Variants in ARHGAP42 observed in about 807,000 individuals in gnomAD.
The protein encoded by ARHGAP42 is Rho GTPase activating protein 42.
ARHGAP42 carries 63 observed loss-of-function variants against 125.0 expected under a neutral mutation model. That is an observed-to-expected ratio of 0.50 (90% CI 0.41 to 0.62). The LOEUF (loss-of-function observed/expected upper bound fraction) is 0.62, where lower values mean the gene tolerates loss of function less well. ARHGAP42 is among the 20% of genes least tolerant of loss of function. The pLI is 0.00. For missense variants in ARHGAP42, 766 were observed against 1,024.2 expected, an observed-to-expected ratio of 0.75 and a Z score of 3.44; for synonymous variants, 339 against 351.0, an observed-to-expected ratio of 0.97 and a Z score of 0.38.
intron 1 of ARHGAP42, among the ~76,000 whole-genome samples, chr11:100,744,561 TGTGC>T (rs893779734): frequency 1.4e-5 from 2 of 139,144 alleles, no homozygotes; most frequent in Non-Finnish European, 3.2e-5. Context: ...TGTGTGTGTG[TGTGC>T]GTGCTTGTGT....
chr11:100,917,015 T>TTGTGTGTGTGTG lies in ARHGAP42; in HGVS notation c.486+3488_486+3499dup, dbSNP rs6144479. Among the ~76,000 whole-genome samples, 1,019 of 149,604 alleles carry TTGTGTGTGTGTG rather than the reference T, an allele frequency of 6.8e-3. 9 individuals are homozygous for TTGTGTGTGTGTG. Among genetic ancestry groups the TTGTGTGTGTGTG allele is most frequent in the South Asian group, 0.014 (67 of 4,700 alleles). ...TATACAGGTTTGTTTTAAAATAAGT[T>TTGTGTGTGTGTG]TGTGTGTGTGTGTGTGTGTGTGTGT... is the stretch of plus-strand genomic sequence containing the variant. On this transcript the variant is annotated intron_variant, in intron 5 of 23. Coordinates refer to ENST00000298815, the MANE Select transcript of ARHGAP42 (RefSeq NM_152432.4).
At chr11:100,827,371 TC>T (rs1467450849) in intron 3 of ARHGAP42, among the ~76,000 whole-genome samples, 1 of 152,198 alleles carries the variant, frequency 6.6e-6, no homozygotes, top group East Asian at 1.9e-4. Context: ...CATGTGATTT[TC>T]CCCTAGTTGT....
intron 4 of ARHGAP42, among the ~76,000 whole-genome samples, chr11:100,899,813 G>C (rs1053359566): frequency 4.0e-5 from 6 of 151,038 alleles, no homozygotes; most frequent in African/African-American, 1.5e-4. Context: ...TTACATGTGG[G>C]ATGGGTCTCC....
At chr11:100,719,524 T>C (rs1349515323) in intron 1 of ARHGAP42, among the ~76,000 whole-genome samples, 2 of 152,210 alleles carry the variant, frequency 1.3e-5, no homozygotes, top group Non-Finnish European at 2.9e-5. Context: ...CCTTAGCTTG[T>C]TGTCTGCCTG....
intron 4 of ARHGAP42, among the ~76,000 whole-genome samples, chr11:100,895,489 G>T (rs1466811898): frequency 6.8e-6 from 1 of 146,330 alleles, no homozygotes; most frequent in African/African-American, 2.5e-5. Flanking sequence ...TTATAAAAGA[G>T]CAACTTTTTT....
At chr11:100,902,848 T>C (rs923741225) in intron 4 of ARHGAP42, among the ~76,000 whole-genome samples, 4 of 152,172 alleles carry the variant, frequency 2.6e-5, no homozygotes, top group Admixed American at 1.3e-4. Flanking sequence ...CAGGTGACAC[T>C]GAAAGACAGG....
At chr11:100,976,585 T>C (rs151259457) in intron 20 of ARHGAP42, 148 bp downstream of exon 20, 1 of 1,251,800 alleles carries the variant, frequency 8.0e-7, no homozygotes, top group African/African-American at 1.5e-5. Flanking sequence ...TTTTACAACC[T>C]AGGCACTGTG....
intron 16 of ARHGAP42, among the ~76,000 whole-genome samples, chr11:100,963,810 C>T (rs1858019042): frequency 6.6e-6 from 1 of 152,148 alleles, no homozygotes; most frequent in South Asian, 2.1e-4. Context: ...ATGGCAAAAT[C>T]AGGGCTGCAA....
chr11:100,699,747 T>G (rs1443466725), intron 1 of ARHGAP42, among the ~76,000 whole-genome samples: 2 of 151,848 alleles, frequency 1.3e-5, no homozygotes, highest in Non-Finnish European at 2.9e-5. Context: ...GGTCTCTAAC[T>G]CCGGACCTGA....
chr11:100,765,113 G>T (rs12792556), intron 1 of ARHGAP42, among the ~76,000 whole-genome samples: 4,871 of 152,206 alleles, frequency 0.032, 134 homozygotes, highest in Middle Eastern at 0.088. Context: ...AGAATAGCAG[G>T]CTTGTTTCAG....
At chr11:100,843,350 A>C (rs1007993405) in intron 3 of ARHGAP42, among the ~76,000 whole-genome samples, 2 of 152,056 alleles carry the variant, frequency 1.3e-5, no homozygotes, top group Admixed American at 1.3e-4. Context: ...AAAAAAGTCC[A>C]GGAACAGATG....
intron 3 of ARHGAP42, among the ~76,000 whole-genome samples, chr11:100,813,158 A>T (rs988110025): frequency 6.6e-6 from 1 of 152,192 alleles, no homozygotes; most frequent in Non-Finnish European, 1.5e-5. Context: ...ATGATGTGTC[A>T]TTGGTAGGAT....
chr11:100,873,974 T>A (rs1865755230), intron 4 of ARHGAP42, among the ~76,000 whole-genome samples: 1 of 152,212 alleles, frequency 6.6e-6, no homozygotes, highest in Non-Finnish European at 1.5e-5. Flanking sequence ...CACCAGCCAA[T>A]AATTAATAAT....
In ARHGAP42 at chr11:100,993,155, A is replaced by G. The variant is rs879505398; in HGVS notation, c.*4354A>G. The stretch of plus-strand genomic sequence containing the variant: ...AGGATAACCCCTTTCTCCCCTTTGG[A>G]CCATCTGCCATCTTTCATGAGTGTT... On this transcript the variant is annotated 3_prime_UTR_variant, in exon 24 of 24. Coordinates refer to ENST00000298815, the MANE Select transcript of ARHGAP42 (RefSeq NM_152432.4). The G allele has an allele frequency of 1.8e-5, 3 of 168,810 alleles. No individual in the cohort carries two copies. Among genetic ancestry groups the G allele is most frequent in the Non-Finnish European group, 4.3e-5 (3 of 69,446 alleles). The allele number at this position is 168,810 out of a possible 1,614,324, so 10.5% of individuals were successfully genotyped here.
intron 8 of ARHGAP42, among the ~76,000 whole-genome samples, chr11:100,937,517 C>A (rs17714248): frequency 0.078 from 11,822 of 152,118 alleles, 542 homozygotes; most frequent in Non-Finnish European, 0.098. Flanking sequence ...TGAGAGCCTT[C>A]ATGTGACAGT....
chr11:100,934,007 G>A (rs888805157), intron 7 of ARHGAP42, among the ~76,000 whole-genome samples: 5 of 152,134 alleles, frequency 3.3e-5, no homozygotes, highest in Non-Finnish European at 4.4e-5. Flanking sequence ...GGCTGGTCTC[G>A]AACTCCCGAC....
chr11:100,918,927 C>G (rs930664340), intron 5 of ARHGAP42, among the ~76,000 whole-genome samples: 1 of 152,132 alleles, frequency 6.6e-6, no homozygotes, highest in African/African-American at 2.4e-5. Flanking sequence ...TGACTTAATA[C>G]TTTTGTGTTG....
At chr11:100,776,527 G>A (rs1340109416) in intron 2 of ARHGAP42, among the ~76,000 whole-genome samples, 1 of 152,212 alleles carries the variant, frequency 6.6e-6, no homozygotes, top group Non-Finnish European at 1.5e-5. Flanking sequence ...TCCAAATTAG[G>A]AGTGGAGAAA....
chr11:100,953,499 A>T (rs1857719174), intron 12 of ARHGAP42, among the ~76,000 whole-genome samples: 1 of 152,230 alleles, frequency 6.6e-6, no homozygotes, highest in South Asian at 2.1e-4. Flanking sequence ...AGTGTGAGAA[A>T]TATCTAATGT....
Sources: allele counts gnomAD v4.1 joint callset (sites outside exome capture counted in the v4.1 genomes callset), GRCh38; gene constraint gnomAD v4.1.1; transcripts MANE v1.5; gene names NCBI Gene and HGNC (gene_info 2026-07-23, HGNC 2026-07-21).